Variants in PBX3 observed in about 807,000 individuals in gnomAD.
The protein encoded by PBX3 is pre-B-cell leukemia transcription factor 3.
In PBX3, 14 loss-of-function variants were observed where a neutral mutation model predicts 48.5. That is an observed-to-expected ratio of 0.29 (90% CI 0.19 to 0.45). PBX3 has a LOEUF of 0.45. PBX3 is among the 20% of genes least tolerant of loss of function. PBX3 has a pLI of 1.00. For missense variants in PBX3, 386 were observed against 546.7 expected, an observed-to-expected ratio of 0.71 and a Z score of 2.93; for synonymous variants, 210 against 200.3, an observed-to-expected ratio of 1.05 and a Z score of -0.41.
chr9:125,825,872 C>T (rs547896080), intron 2 of PBX3, among the ~76,000 whole-genome samples: 10 of 152,234 alleles, frequency 6.6e-5, no homozygotes, highest in South Asian at 4.1e-4. Context: ...ATTGTGATAT[C>T]GCCAAGTTTA....
chr9:125,764,934 G>T lies in PBX3; in HGVS notation c.274+16311G>T, dbSNP rs566142112. The stretch of plus-strand genomic sequence containing the variant: ...CCTCTGCCTAGTTTTGTAGACATGG[G>T]GTTCTTGACGGCTACTGTGAAGGCT... On this transcript the variant is annotated intron_variant, in intron 2 of 8. Transcript: ENST00000373489. Among the ~76,000 whole-genome samples the T allele has an allele frequency of 2.2e-3, 330 of 152,132 alleles. 1 individual carries two copies. The highest frequency in any genetic ancestry group is 7.6e-3 in the African/African-American group (314 of 41,504).
intron 2 of PBX3, among the ~76,000 whole-genome samples, chr9:125,837,358 T>C (rs1348826884): frequency 6.6e-6 from 1 of 150,496 alleles, no homozygotes; most frequent in Non-Finnish European, 1.5e-5. Context: ...TGTGTATATA[T>C]ATTACACAAA....
intron 2 of PBX3, among the ~76,000 whole-genome samples, chr9:125,811,330 A>G (rs1838283631): frequency 6.6e-6 from 1 of 152,138 alleles, no homozygotes; most frequent in Non-Finnish European, 1.5e-5. Context: ...AGGCTGTGAT[A>G]TGGTTTGGCT....
chr9:125,852,798 T>C (rs77575693), intron 2 of PBX3, among the ~76,000 whole-genome samples: 6,140 of 152,248 alleles, frequency 0.04, 302 homozygotes, highest in East Asian at 0.17. Flanking sequence ...GAGACATTTC[T>C]TCTGCTTTTA....
intron 5 of PBX3, among the ~76,000 whole-genome samples, chr9:125,947,407 G>A (rs982014557): frequency 5.9e-5 from 9 of 152,174 alleles, no homozygotes; most frequent in African/African-American, 1.9e-4. Flanking sequence ...TACGTTTTCC[G>A]GGAAAGATGG....
chr9:125,956,139 C>T (rs1290314253), intron 5 of PBX3, among the ~76,000 whole-genome samples: 6 of 152,164 alleles, frequency 3.9e-5, no homozygotes, highest in Admixed American at 3.9e-4. Flanking sequence ...CATTAATGCA[C>T]CCAACAGTTC....
intron 2 of PBX3, among the ~76,000 whole-genome samples, chr9:125,906,238 A>G (rs1841069101): frequency 6.6e-6 from 1 of 151,984 alleles, no homozygotes; most frequent in Non-Finnish European, 1.5e-5. Flanking sequence ...TGTGTCCTTT[A>G]TAATAATACA....
chr9:125,951,864 G>A (rs1457616772), intron 5 of PBX3, among the ~76,000 whole-genome samples: 2 of 152,268 alleles, frequency 1.3e-5, no homozygotes, highest in Admixed American at 1.3e-4. Flanking sequence ...TGTATCCAGC[G>A]TGCCCAGCCT....
chr9:125,837,459 T>C lies in PBX3; in HGVS notation c.275-78227T>C, dbSNP rs566466150. ...CACAAGAAACATGATGCTATTTGCC[T>C]CTGGAGGAAAACTAGGTGTTTGGGG... is the stretch of plus-strand genomic sequence containing the variant. On this transcript the variant is annotated intron_variant, in intron 2 of 8. Transcript: ENST00000373489. Among the ~76,000 whole-genome samples, 23 of 151,104 alleles carry C rather than the reference T, an allele frequency of 1.5e-4. No individual in the cohort carries two copies. The South Asian group carries it at 4.6e-3, about 30-fold the overall frequency.
chr9:125,831,849 C>T (rs1233794434), intron 2 of PBX3, among the ~76,000 whole-genome samples: 1 of 152,144 alleles, frequency 6.6e-6, no homozygotes, highest in Non-Finnish European at 1.5e-5. Flanking sequence ...TACTTTCTGG[C>T]CCACCAAAAC....
intron 5 of PBX3, among the ~76,000 whole-genome samples, chr9:125,959,280 G>A (rs1842375405): frequency 6.6e-6 from 1 of 152,222 alleles, no homozygotes; most frequent in South Asian, 2.1e-4. Flanking sequence ...GCTAGGAAGT[G>A]CTGATCTGTA....
intron 8 of PBX3, among the ~76,000 whole-genome samples, 185 bp downstream of exon 8, chr9:125,963,286 C>T (rs1048915106): frequency 6.6e-6 from 1 of 152,214 alleles, no homozygotes; most frequent in Non-Finnish European, 1.5e-5. Flanking sequence ...TAGAAGTCCT[C>T]ATAGATGCCC....
chr9:125,867,791 CACACATATATAT>C (rs1373529954), intron 2 of PBX3, among the ~76,000 whole-genome samples: 1 of 151,824 alleles, frequency 6.6e-6, no homozygotes, highest in Non-Finnish European at 1.5e-5. Flanking sequence ...CACATATACA[CACACATATATAT>C]ACACATATAT....
Position 125,880,877 on chromosome 9 carries a change from A to T in PBX3, c.275-34809A>T, listed in dbSNP as rs934865139. Among the ~76,000 whole-genome samples, 5 of 152,214 alleles carry T rather than the reference A, an allele frequency of 3.3e-5. No individual in the cohort carries two copies. In the South Asian group the frequency reaches 1.0e-3, roughly 32 times the overall value. On this transcript the variant is annotated intron_variant, in intron 2 of 8. Transcript: ENST00000373489. ...GCAAGGTGTACATTTTTTGTGCAAT[A>T]AAGTAGAAATAAAAAACTGTCTTAT...
At chr9:125,837,318 A>G (rs913095171) in intron 2 of PBX3, among the ~76,000 whole-genome samples, 2 of 151,354 alleles carry the variant, frequency 1.3e-5, no homozygotes, top group African/African-American at 4.8e-5. Context: ...TGATATAGGA[A>G]AAATAATAGA....
At chr9:125,902,887 A>G (rs1189176222) in intron 2 of PBX3, among the ~76,000 whole-genome samples, 2 of 151,816 alleles carry the variant, frequency 1.3e-5, no homozygotes, top group Non-Finnish European at 2.9e-5. Context: ...ACTCTTAAAA[A>G]TAACACTTGT....
chr9:125,891,193 A>T (rs1401839280), intron 2 of PBX3, among the ~76,000 whole-genome samples: 2 of 152,222 alleles, frequency 1.3e-5, no homozygotes, highest in Non-Finnish European at 2.9e-5. Flanking sequence ...ATTTTCAAAA[A>T]CAAATGACAT....
chr9:125,967,111 A>T lies in PBX3; in HGVS notation c.*1188A>T, dbSNP rs1446229375. 6.7e-6 allele frequency: 1 copy of T among 149,308 alleles called. No homozygotes were observed. Among genetic ancestry groups the T allele is most frequent in the Non-Finnish European group, 1.5e-5 (1 of 67,512 alleles). 9.2% of individuals were successfully genotyped at this position (149,308 alleles called of 1,614,324 possible). A position where few individuals can be genotyped will look rare whatever the true frequency, so the allele number is the denominator to read the frequency against. On this transcript the variant is annotated 3_prime_UTR_variant, in exon 9 of 9. Coordinates refer to ENST00000373489, the MANE Select transcript of PBX3 (RefSeq NM_006195.6). ...TGCAAAAAAAAAAAAAAAAGCAGCG[A>T]CTAATTGTGATGCATTCAGATTTCA...
intron 2 of PBX3, among the ~76,000 whole-genome samples, chr9:125,889,762 A>T (rs908571988): frequency 6.7e-6 from 1 of 150,288 alleles, no homozygotes; most frequent in East Asian, 2.0e-4. Flanking sequence ...CGCGGCGGGG[A>T]GCGGGGCCGG....
Sources: gnomAD v4.1 joint callset for allele counts (sites outside exome capture counted in the v4.1 genomes callset) on GRCh38, gnomAD v4.1.1 for gene constraint, MANE v1.5 for transcripts, NCBI Gene and HGNC (gene_info 2026-07-23, HGNC 2026-07-21) for gene names.